The following METAP1 variants were observed in gnomAD, a reference collection of about 807,000 sequenced individuals.
The protein encoded by METAP1 is methionine aminopeptidase 1.
Under a neutral mutation model 53.8 loss-of-function variants are expected in METAP1, and 28 were observed. The observed-to-expected ratio is 0.52, with a 90% CI of 0.39 to 0.71. METAP1 has a LOEUF of 0.71. METAP1 is among the 30% of genes least tolerant of loss of function. The pLI is 0.00. For synonymous variants in METAP1, 181 were observed against 165.7 expected (o/e 1.09, Z -0.71); for missense variants, 389 against 479.8 (o/e 0.81, Z 1.77).
At chr4:99,011,942 A>AAAAAC (rs201104558) in intron 1 of METAP1, among the ~76,000 whole-genome samples, 91 of 152,286 alleles carry the variant, frequency 6.0e-4, no homozygotes, top group Non-Finnish European at 8.1e-4. Flanking sequence ...CTCCATCTCA[A>AAAAAC]AAAACAAAAC....
intron 8 of METAP1, among the ~76,000 whole-genome samples, chr4:99,047,104 A>G (rs1726324147): frequency 6.6e-6 from 1 of 152,024 alleles, no homozygotes; most frequent in Admixed American, 6.6e-5. Flanking sequence ...TGTATATATC[A>G]TTTTTGCCCC....
At chr4:99,020,853 T>C (rs1724064764) in intron 1 of METAP1, among the ~76,000 whole-genome samples, 1 of 152,226 alleles carries the variant, frequency 6.6e-6, no homozygotes, top group Non-Finnish European at 1.5e-5. Context: ...TTGCTTTTTC[T>C]TATATTTAGT....
At chr4:99,040,977 A>C in intron 5 of METAP1, 66 bp from the exon 6 acceptor site, 1 of 982,028 alleles carries the variant, frequency 1.0e-6, no homozygotes, top group South Asian at 2.1e-5. Context: ...ACAGTCAAAC[A>C]GTAGAAAGGG....
chr4:99,038,975 A>T (rs189287957), intron 4 of METAP1, among the ~76,000 whole-genome samples: 21 of 152,310 alleles, frequency 1.4e-4, no homozygotes, highest in Admixed American at 9.1e-4. Flanking sequence ...GTTTCAGAAA[A>T]TAGTGTAATT....
chr4:99,018,041 A>AT (rs1306442582), intron 1 of METAP1, among the ~76,000 whole-genome samples: 1 of 152,282 alleles, frequency 6.6e-6, no homozygotes, highest in Non-Finnish European at 1.5e-5. Context: ...AGAAGTCCTT[A>AT]TAAGTGGGTC....
rs1726133372 is a variant in METAP1 at position 99,045,202 on chromosome 4, G to C, written c.679G>C (p.Gly227Arg). ...AGTGGATATCACTCTTTATCGCAAT[G>C]GTTATCATGGGGACCTGAATGAGAC... ...VNVDITLYRN[G>R]YHGDLNETFF... Residue 227 changes from glycine (G) to arginine (R), a missense_variant, in exon 8 of 11, where the codon GGT becomes CGT. Physicochemically the swap from Gly to Arg is moderately radical, Grantham distance 125 (BLOSUM62 -2). Coordinates refer to ENST00000296411, the MANE Select transcript of METAP1 (RefSeq NM_015143.3). 6.2e-7 allele frequency: 1 copy of C among 1,613,388 alleles called. No homozygotes were observed. Among genetic ancestry groups the C allele is most frequent in the South Asian group, 1.1e-5 (1 of 91,034 alleles).
chr4:99,042,642 A>G (rs1725960681), intron 6 of METAP1, among the ~76,000 whole-genome samples: 1 of 152,118 alleles, frequency 6.6e-6, no homozygotes, highest in Non-Finnish European at 1.5e-5. Context: ...CAACATAAGA[A>G]TTATAATTAC....
At chr4:99,023,162 T>A in intron 1 of METAP1, 8 of 655,838 alleles carry the variant, frequency 1.2e-5, no homozygotes, top group Non-Finnish European at 1.9e-5. Flanking sequence ...CGACCTAATT[T>A]CATTACTTCT....
intron 1 of METAP1, among the ~76,000 whole-genome samples, chr4:99,021,519 G>A (rs760900260): frequency 2.6e-5 from 4 of 152,090 alleles, no homozygotes; most frequent in Non-Finnish European, 5.9e-5. Context: ...TGATGGGCAC[G>A]GGAATTTGAT....
intron 9 of METAP1, 136 bp from the exon 10 acceptor site, chr4:99,057,617 A>T (rs1026137498): frequency 3.0e-6 from 2 of 663,854 alleles, no homozygotes; most frequent in Non-Finnish European, 5.1e-6. Flanking sequence ...TGTTTGTTGA[A>T]CTTTAAGAAA....
At chr4:99,040,985 G>A in intron 5 of METAP1, 58 bp from the exon 6 acceptor site, 9 of 1,157,506 alleles carry the variant, frequency 7.8e-6, no homozygotes, top group Non-Finnish European at 1.1e-5. Flanking sequence ...ACAGTAGAAA[G>A]GGTATAGATT....
intron 1 of METAP1, chr4:99,022,811 C>T (rs1247140405): frequency 5.7e-6 from 9 of 1,592,718 alleles, no homozygotes; most frequent in Admixed American, 5.2e-5. Flanking sequence ...CTCCACCCAT[C>T]CCTCTGTGTA....
At chr4:99,037,523 CAGAA>C (rs1260027724) in intron 4 of METAP1, among the ~76,000 whole-genome samples, 1 of 151,780 alleles carries the variant, frequency 6.6e-6, no homozygotes, top group African/African-American at 2.4e-5. Flanking sequence ...TTTTTTTTCT[CAGAA>C]GGATACCTGG....
At chr4:99,016,948 G>T (rs1020103348) in intron 1 of METAP1, among the ~76,000 whole-genome samples, 1 of 152,170 alleles carries the variant, frequency 6.6e-6, no homozygotes, top group Admixed American at 6.5e-5. Context: ...TCTCCCTTCT[G>T]TATTTTCTTT....
At chr4:99,036,322 T>A (rs1725420818) in intron 4 of METAP1, among the ~76,000 whole-genome samples, 1 of 152,042 alleles carries the variant, frequency 6.6e-6, no homozygotes, top group African/African-American at 2.4e-5. Flanking sequence ...TCAGAAAAAT[T>A]TAAGGGAAAG....
intron 2 of METAP1, among the ~76,000 whole-genome samples, chr4:99,033,131 A>C (rs760932654): frequency 6.6e-6 from 1 of 152,114 alleles, no homozygotes; most frequent in Non-Finnish European, 1.5e-5. Context: ...GTTTCCTCAT[A>C]TGTACAATAA....
chr4:99,058,234 G>A (rs1341201981), intron 10 of METAP1, among the ~76,000 whole-genome samples: 2 of 152,164 alleles, frequency 1.3e-5, no homozygotes, highest in African/African-American at 4.8e-5. Flanking sequence ...CAATTTATAA[G>A]GTAGGTGTTA....
chr4:98,997,111 C>A (rs1019322137), intron 1 of METAP1, among the ~76,000 whole-genome samples: 1 of 152,070 alleles, frequency 6.6e-6, no homozygotes, highest in African/African-American at 2.4e-5. Context: ...CGATTTAACT[C>A]TGCCATAAAT....
At chr4:99,022,870 T>TGC in intron 1 of METAP1, 1 of 1,536,204 alleles carries the variant, frequency 6.5e-7, no homozygotes, top group East Asian at 2.4e-5. Context: ...GCTGCTGCCT[T>TGC]CTTTTTGCAT....
Sources: gnomAD v4.1 joint callset for allele counts (sites outside exome capture counted in the v4.1 genomes callset) on GRCh38, gnomAD v4.1.1 for gene constraint, MANE v1.5 for transcripts, NCBI Gene and HGNC (gene_info 2026-07-23, HGNC 2026-07-21) for gene names.